Variants in APOBEC1 observed in about 807,000 individuals in gnomAD.
APOBEC1 encodes the protein C->U-editing enzyme APOBEC-1.
Under a neutral mutation model 26.3 loss-of-function variants are expected in APOBEC1, and 22 were observed. The observed-to-expected ratio is 0.84, with a 90% CI of 0.60 to 1.19. APOBEC1 has a LOEUF of 1.19. Ranked by LOEUF, APOBEC1 falls within the 50% of genes most tolerant of loss-of-function variation. The probability of loss-of-function intolerance (pLI) is 0.00; values close to 1 mark genes in which losing one functional copy is unlikely to be tolerated. For synonymous variants in APOBEC1, 77 were observed against 95.3 expected, an observed-to-expected ratio of 0.81 and a Z score of 1.12; for missense variants, 253 against 289.0, an observed-to-expected ratio of 0.88 and a Z score of 0.90.
intron 2 of APOBEC1, 110 bp from the exon 3 acceptor site, chr12:7,652,945 T>A (rs1277017350): frequency 1.4e-5 from 13 of 932,490 alleles, no homozygotes; most frequent in Non-Finnish European, 1.8e-5. Flanking sequence ...ATTTTATTTT[T>A]TTAAGATGGA....
intron 2 of APOBEC1, among the ~76,000 whole-genome samples, 197 bp from the exon 3 acceptor site, chr12:7,653,032 C>T (rs754848038): frequency 9.9e-5 from 15 of 152,142 alleles, no homozygotes; most frequent in African/African-American, 3.1e-4. Context: ...CAGGTTCAAG[C>T]GATTTTTCTG....
intron 1 of APOBEC1, among the ~76,000 whole-genome samples, chr12:7,660,609 A>C (rs1200818808): frequency 1.3e-5 from 2 of 149,916 alleles, no homozygotes; most frequent in Non-Finnish European, 3.0e-5. Context: ...AGGCCGAGGC[A>C]CAAGAATCGC....
intron 1 of APOBEC1, among the ~76,000 whole-genome samples, chr12:7,660,367 GGAAGGAAGGAAA>G (rs1463682811): frequency 1.2e-4 from 2 of 16,812 alleles, no homozygotes; most frequent in African/African-American, 4.2e-4. Context: ...AAGGAAGGAA[GGAAGGAAGGAAA>G]GAAAGAAAGA....
At chr12:7,652,395 A>C in intron 3 of APOBEC1, 43 bp downstream of exon 3, 1 of 1,544,660 alleles carries the variant, frequency 6.5e-7, no homozygotes, top group Non-Finnish European at 8.8e-7. Context: ...CTATCACCAC[A>C]GTCTGTTGTA....
upstream of APOBEC1, among the ~76,000 whole-genome samples, chr12:7,668,730 T>G (rs1322130196): frequency 6.6e-6 from 1 of 151,414 alleles, no homozygotes. Context: ...AGTTCTTTTG[T>G]TTTTTTGTTT....
chr12:7,650,636 G>C (rs896917994), intron 4 of APOBEC1, among the ~76,000 whole-genome samples: 1 of 152,218 alleles, frequency 6.6e-6, no homozygotes, highest in Non-Finnish European at 1.5e-5. Flanking sequence ...GTCTCATTAT[G>C]TTGGCCAGGC....
chr12:7,650,982 C>T, intron 4 of APOBEC1, 41 bp downstream of exon 4: 1 of 1,415,066 alleles, frequency 7.1e-7, no homozygotes, highest in Non-Finnish European at 9.9e-7. Context: ...AAGAAGGATG[C>T]TTCTTTTTGC....
chr12:7,656,836 A>T (rs906394432), intron 1 of APOBEC1, among the ~76,000 whole-genome samples: 2 of 152,250 alleles, frequency 1.3e-5, no homozygotes, highest in African/African-American at 4.8e-5. Flanking sequence ...TCAGAGGGTT[A>T]GAAAGATGCC....
At chr12:7,660,417 G>A (rs61148232) in intron 1 of APOBEC1, among the ~76,000 whole-genome samples, 5,005 of 65,362 alleles carry the variant, frequency 0.077, 322 homozygotes, top group South Asian at 0.11. Context: ...AGAAAGAGAG[G>A]GTATTTGGGC....
rs1863608335 is a variant in APOBEC1 at position 7,649,606 on chromosome 12, T to A, written c.652A>T (p.Ile218Phe). 1 of 1,614,020 alleles carries A rather than the reference T, an allele frequency of 6.2e-7. No homozygotes were observed. The highest frequency in any genetic ancestry group is 8.5e-7 in the Non-Finnish European group (1 of 1,180,040). Residue 218 changes from isoleucine to phenylalanine, a missense_variant, in exon 5 of 5, where the codon ATT (isoleucine) becomes TTT (phenylalanine). By Grantham distance (21) the Ile-to-Phe change is conservative. Transcript: ENST00000229304. ...LHLQNCHYQTIPPHILLATGL... is the reference protein window; with the variant it reads ...LHLQNCHYQTFPPHILLATGL... ...GTAGCTAAAAGGATGTGTGGCGGAATCGTTTGGTAATGGCAGTTTTGAAGA... is the reference window on the plus strand; with the variant it reads ...GTAGCTAAAAGGATGTGTGGCGGAAACGTTTGGTAATGGCAGTTTTGAAGA...
At position 7,665,839 on chromosome 12, in the gene APOBEC1, C is replaced by A. The variant is rs149497570; in HGVS notation, c.16+18G>T. 1.5e-4 allele frequency: 244 copies of A among 1,608,594 alleles called. 1 individual carries two copies. The African/African-American group carries it at 3.0e-3, about 20-fold the overall frequency. ...GCATTGTTCAAGAATACTTGCCAAGCCCCCGGATCCATTTTACCTTTCTCA... is the reference window on the plus strand; with the variant it reads ...GCATTGTTCAAGAATACTTGCCAAGACCCCGGATCCATTTTACCTTTCTCA... On this transcript the variant is annotated intron_variant, in intron 1 of 4. Coordinates refer to ENST00000229304, the MANE Select transcript of APOBEC1 (RefSeq NM_001644.5).
intron 1 of APOBEC1, among the ~76,000 whole-genome samples, chr12:7,656,623 C>A (rs1035633168): frequency 5.3e-5 from 8 of 152,162 alleles, no homozygotes; most frequent in African/African-American, 1.9e-4. Context: ...CCAGTTTAGC[C>A]AATTACTTGC....
At chr12:7,662,586 CA>C (rs1202232653) in intron 1 of APOBEC1, among the ~76,000 whole-genome samples, 2 of 150,712 alleles carry the variant, frequency 1.3e-5, no homozygotes, top group East Asian at 1.9e-4. Context: ...GACTCCATCT[CA>C]AAAAAAAAGG....
chr12:7,656,865 A>G (rs1863722039), intron 1 of APOBEC1, among the ~76,000 whole-genome samples: 1 of 152,210 alleles, frequency 6.6e-6, no homozygotes, highest in Non-Finnish European at 1.5e-5. Flanking sequence ...GTTTATTTCA[A>G]TGGCATGAAC....
intron 1 of APOBEC1, 53 bp downstream of exon 1, chr12:7,665,801 ACAC>A (rs1863884921): frequency 7.3e-7 from 1 of 1,378,416 alleles, no homozygotes; most frequent in Non-Finnish European, 1.0e-6. Flanking sequence ...ACACACACAC[ACAC>A]ACCATTCTTG....
rs942357724 is a variant in APOBEC1 at position 7,651,097 on chromosome 12, C to T, written c.487G>A (p.Asp163Asn). 1 of 1,613,988 alleles carries T rather than the reference C, an allele frequency of 6.2e-7. No individual in the cohort carries two copies. Among genetic ancestry groups the T allele is most frequent in the African/African-American group, 1.3e-5 (1 of 74,904 alleles). The change falls in exon 4 of 5, where the codon GAT becomes AAT. Residue 163 changes from aspartate to asparagine, a missense_variant. Asp to Asn is a conservative substitution (Grantham distance 23). Coordinates refer to ENST00000229304, the MANE Select transcript of APOBEC1 (RefSeq NM_001644.5). Reference protein sequence around the residue: ...WRNFVNYPPGDEAHWPQYPPL... With the variant: ...WRNFVNYPPGNEAHWPQYPPL... The stretch of plus-strand genomic sequence containing the variant: ...GGGTATTGTGGCCAGTGAGCTTCAT[C>T]CCCAGGTGGGTAGTTGACAAAATTC...
chr12:7,650,459 A>G (rs1394054858), intron 4 of APOBEC1, among the ~76,000 whole-genome samples: 1 of 152,216 alleles, frequency 6.6e-6, no homozygotes, highest in Non-Finnish European at 1.5e-5. Context: ...TAAAAATGAT[A>G]AAATGTAATT....
At chr12:7,663,459 T>C (rs1247007604) in intron 1 of APOBEC1, among the ~76,000 whole-genome samples, 2 of 151,990 alleles carry the variant, frequency 1.3e-5, no homozygotes, top group Admixed American at 1.3e-4. Flanking sequence ...GATTTGAGCA[T>C]TGGGAGGAAG....
chr12:7,664,267 T>G (rs1317493902), intron 1 of APOBEC1, among the ~76,000 whole-genome samples: 1 of 152,152 alleles, frequency 6.6e-6, no homozygotes, highest in Non-Finnish European at 1.5e-5. Context: ...ACTATTGCAA[T>G]AGTCTTCTAA....
Sources: allele counts gnomAD v4.1 joint callset (sites outside exome capture counted in the v4.1 genomes callset), GRCh38; gene constraint gnomAD v4.1.1; transcripts MANE v1.5; gene names NCBI Gene and HGNC (gene_info 2026-07-23, HGNC 2026-07-21).